The following ITPR2 variants were observed in gnomAD, a reference collection of about 807,000 sequenced individuals.
ITPR2 encodes the protein inositol 1,4,5-trisphosphate-gated calcium channel ITPR2.
In ITPR2, 207 loss-of-function variants were observed where a neutral mutation model predicts 317.1. The ratio of observed to expected loss-of-function variants is 0.65; its 90% CI spans 0.58 to 0.73. The LOEUF is 0.73. Among genes scored for constraint, ITPR2 ranks in the 30% least tolerant of loss-of-function variants. The pLI is 0.00. For missense variants in ITPR2, 2,613 were observed against 3,284.0 expected, an observed-to-expected ratio of 0.80 and a Z score of 4.99; for synonymous variants, 1,156 against 1,149.1, an observed-to-expected ratio of 1.01 and a Z score of -0.12.
At chr12:26,396,120 A>C (rs1372487095) in intron 54 of ITPR2, among the ~76,000 whole-genome samples, 1 of 152,210 alleles carries the variant, frequency 6.6e-6, no homozygotes, top group East Asian at 1.9e-4. Context: ...TCTGCTGAGA[A>C]GAAAAGAAAG....
chr12:26,587,278 TAA>T lies in ITPR2; in HGVS notation c.4381-7125_4381-7124del, dbSNP rs201924784. ...TCATTTGTTCCTACTGAAATACAAA[TAA>T]ATATATATATATATATATATGTAAA... is the stretch of plus-strand genomic sequence containing the variant. On this transcript the variant is annotated intron_variant, in intron 32 of 56. Coordinates refer to ENST00000381340, the MANE Select transcript of ITPR2 (RefSeq NM_002223.4). Among the ~76,000 whole-genome samples, 206 of 24,000 alleles carry T rather than the reference TAA, an allele frequency of 8.6e-3. 1 individual carries two copies. The East Asian group carries it at 0.26, about 31-fold the overall frequency. The allele number at this position is 24,000 out of a possible 152,430, so 15.7% of individuals were successfully genotyped here.
At chr12:26,682,838 C>T (rs1289593305) in intron 11 of ITPR2, among the ~76,000 whole-genome samples, 165 bp from the exon 12 acceptor site, 1 of 152,216 alleles carries the variant, frequency 6.6e-6, no homozygotes, top group Admixed American at 6.5e-5. Flanking sequence ...TAGACTATTT[C>T]AAAGCATGCA....
At chr12:26,792,606 A>G (rs1171014572) in intron 1 of ITPR2, among the ~76,000 whole-genome samples, 1 of 152,058 alleles carries the variant, frequency 6.6e-6, no homozygotes, top group Non-Finnish European at 1.5e-5. Context: ...ATAAATTTTA[A>G]GCTCCATGAA....
intron 47 of ITPR2, among the ~76,000 whole-genome samples, chr12:26,437,934 T>C (rs1311067958): frequency 6.6e-6 from 1 of 152,222 alleles, no homozygotes; most frequent in African/African-American, 2.4e-5. Context: ...CCCGAGTAGC[T>C]GGGACTACAG....
chr12:26,676,053 G>C (rs948601847), intron 13 of ITPR2, among the ~76,000 whole-genome samples: 5 of 152,192 alleles, frequency 3.3e-5, no homozygotes, highest in African/African-American at 9.7e-5. Flanking sequence ...AGCTACTCAG[G>C]AGGCTGAGGC....
At chr12:26,715,906 C>T in intron 6 of ITPR2, 71 bp from the exon 7 acceptor site, 1 of 1,109,466 alleles carries the variant, frequency 9.0e-7, no homozygotes, top group Non-Finnish European at 1.4e-6. Flanking sequence ...ATTAGTTCAA[C>T]TAGTAAAAGG....
At chr12:26,492,774 A>G (rs1942837290) in intron 39 of ITPR2, among the ~76,000 whole-genome samples, 1 of 152,186 alleles carries the variant, frequency 6.6e-6, no homozygotes, top group African/African-American at 2.4e-5. Flanking sequence ...ATACTTAATA[A>G]CAATAATATG....
At chr12:26,682,911 C>T (rs760126783) in intron 11 of ITPR2, among the ~76,000 whole-genome samples, 40 of 152,174 alleles carry the variant, frequency 2.6e-4, no homozygotes, top group Middle Eastern at 3.2e-3. Flanking sequence ...TCAGCATTGC[C>T]TGGGAGCTTG....
intron 51 of ITPR2, among the ~76,000 whole-genome samples, chr12:26,411,638 T>C (rs1940555339): frequency 1.3e-5 from 2 of 152,246 alleles, no homozygotes; most frequent in Non-Finnish European, 2.9e-5. Context: ...AAGCCTTTTA[T>C]ACCTTTTTTA....
chr12:26,695,792 T>C (rs1046174097), intron 9 of ITPR2, 142 bp from the exon 10 acceptor site: 3 of 624,334 alleles, frequency 4.8e-6, no homozygotes, highest in Admixed American at 2.9e-5. Context: ...TTAGTAAATA[T>C]GACAATTTAA....
intron 49 of ITPR2, among the ~76,000 whole-genome samples, chr12:26,423,989 T>A (rs900977769): frequency 6.6e-6 from 1 of 152,170 alleles, no homozygotes; most frequent in East Asian, 1.9e-4. Context: ...AGGCTGTTCC[T>A]CCCACTTGAT....
chr12:26,403,693 C>T (rs1940252538), intron 52 of ITPR2, among the ~76,000 whole-genome samples: 1 of 152,106 alleles, frequency 6.6e-6, no homozygotes, highest in Non-Finnish European at 1.5e-5. Context: ...ATAAACTGTA[C>T]AGAGATAGAG....
At chr12:26,553,291 G>T (rs1944574530) in intron 36 of ITPR2, among the ~76,000 whole-genome samples, 1 of 152,172 alleles carries the variant, frequency 6.6e-6, no homozygotes, top group South Asian at 2.1e-4. Context: ...CAGTATCATT[G>T]ACCTATTCTC....
intron 2 of ITPR2, among the ~76,000 whole-genome samples, chr12:26,767,682 G>C (rs1453517032): frequency 6.6e-6 from 1 of 152,158 alleles, no homozygotes; most frequent in African/African-American, 2.4e-5. Flanking sequence ...AGTTTCACAT[G>C]AAGTCTCTTT....
rs750565746 is a variant in ITPR2, at chr12:26,663,738, G to A, written c.1660C>T (p.Arg554Trp). ...QRYAPYKYMLRLCYRVLRHSQ... is the reference protein window; with the variant it reads ...QRYAPYKYMLWLCYRVLRHSQ... ...TGTCTCAGGACGCGGTAACAGAGCC[G>A]CAGCATGTACTTGTAGGGTGCATAT... The change falls in exon 15 of 57, where the codon CGG (arginine) becomes TGG (tryptophan). Residue 554 changes from arginine to tryptophan, a missense_variant. Arg to Trp is a moderately radical substitution (Grantham distance 101, BLOSUM62 -3). This residue lies in a region of ITPR2 where 515 missense variants were observed against 789.4 expected (regional missense o/e 0.65). Coordinates refer to ENST00000381340, the MANE Select transcript of ITPR2 (RefSeq NM_002223.4). 5.0e-6 allele frequency: 8 copies of A among 1,613,810 alleles called. No homozygotes were observed. The highest frequency in any genetic ancestry group is 2.2e-5 in the East Asian group (1 of 44,872).
intron 13 of ITPR2, 85 bp downstream of exon 13, chr12:26,681,789 C>A: frequency 1.0e-6 from 1 of 965,920 alleles, no homozygotes. Context: ...TCTGAATATT[C>A]CCTTAGAGTC....
intron 32 of ITPR2, among the ~76,000 whole-genome samples, chr12:26,583,644 C>T (rs61920329): frequency 0.12 from 17,657 of 152,062 alleles, 1,420 homozygotes; most frequent in Non-Finnish European, 0.17. Flanking sequence ...TTTCTCCATA[C>T]GGATATTCAA....
intron 1 of ITPR2, among the ~76,000 whole-genome samples, chr12:26,830,117 TG>T (rs1238297609): frequency 6.6e-6 from 1 of 152,250 alleles, no homozygotes; most frequent in Non-Finnish European, 1.5e-5. Flanking sequence ...TTGGCCAGGC[TG>T]GTCTCAAACT....
chr12:26,681,115 G>C (rs1320416480), intron 13 of ITPR2, among the ~76,000 whole-genome samples: 1 of 152,150 alleles, frequency 6.6e-6, no homozygotes, highest in Admixed American at 6.5e-5. Context: ...CTTGTGCTTA[G>C]GCATACTGCA....
Sources: gnomAD v4.1 joint callset for allele counts (sites outside exome capture counted in the v4.1 genomes callset) on GRCh38, gnomAD v4.1.1 for gene constraint, gnomAD v4.1.1 regional missense constraint, MANE v1.5 for transcripts, NCBI Gene and HGNC (gene_info 2026-07-23, HGNC 2026-07-21) for gene names.